Variants in WDPCP observed in about 807,000 individuals in gnomAD.
WDPCP encodes WD repeat containing planar cell polarity effector.
WDPCP carries 71 observed loss-of-function variants against 93.1 expected under a neutral mutation model. The observed-to-expected ratio is 0.76, with a 90% CI of 0.63 to 0.93. The LOEUF (loss-of-function observed/expected upper bound fraction) is 0.93. Ranked by LOEUF, WDPCP falls within the 40% of genes least tolerant of loss-of-function variation. The pLI, the probability that WDPCP is intolerant of heterozygous loss-of-function variation, is 0.00. For missense variants in WDPCP, 844 were observed against 887.4 expected (o/e 0.95, Z 0.62); for synonymous variants, 315 against 315.0 (o/e 1.00, Z 0.00).
intron 2 of WDPCP, among the ~76,000 whole-genome samples, chr2:63,703,703 C>T (rs1669099977): frequency 6.6e-6 from 1 of 152,020 alleles, no homozygotes; most frequent in Non-Finnish European, 1.5e-5. Context: ...GTTACTGTAG[C>T]CTTGTAGTAT....
At chr2:63,245,375 GAAA>G (rs1472658279) in intron 14 of WDPCP, among the ~76,000 whole-genome samples, 2 of 152,140 alleles carry the variant, frequency 1.3e-5, no homozygotes, top group African/African-American at 2.4e-5. Flanking sequence ...ACAGTGATAA[GAAA>G]AAGAAGAAGC....
chr2:63,464,916 GTA>G (rs1699246201), intron 6 of WDPCP, among the ~76,000 whole-genome samples: 1 of 151,952 alleles, frequency 6.6e-6, no homozygotes, highest in Admixed American at 6.6e-5. Flanking sequence ...TGTTTAATGG[GTA>G]TAGAGTTTCT....
intron 3 of WDPCP, among the ~76,000 whole-genome samples, chr2:63,648,607 T>A (rs535535045): frequency 6.6e-6 from 1 of 152,358 alleles, no homozygotes; most frequent in South Asian, 2.1e-4. Flanking sequence ...GAATGTCATA[T>A]AAATGGAAAC....
At chr2:63,247,878 G>A (rs953372736) in intron 14 of WDPCP, among the ~76,000 whole-genome samples, 1 of 150,798 alleles carries the variant, frequency 6.6e-6, no homozygotes, top group Non-Finnish European at 1.5e-5. Context: ...TTTGTTTTTA[G>A]TTGTGACATG....
chr2:63,567,516 C>T (rs1262900915), intron 1 of WDPCP, among the ~76,000 whole-genome samples: 1 of 152,180 alleles, frequency 6.6e-6, no homozygotes, highest in Non-Finnish European at 1.5e-5. Context: ...TCTTGAGCCC[C>T]CAATACGCCA....
intron 13 of WDPCP, among the ~76,000 whole-genome samples, chr2:63,305,349 G>T (rs568855425): frequency 5.3e-5 from 8 of 152,226 alleles, no homozygotes; most frequent in African/African-American, 1.9e-4. Context: ...GAGAGCTCCT[G>T]CTGGCATCTG....
intron 6 of WDPCP, among the ~76,000 whole-genome samples, chr2:63,450,852 C>T (rs1041390200): frequency 1.3e-5 from 2 of 148,392 alleles, no homozygotes; most frequent in Non-Finnish European, 3.0e-5. Flanking sequence ...AAAAGTCATC[C>T]CCTACAAAAA....
At chr2:63,357,611 T>A (rs1426872492) in intron 12 of WDPCP, among the ~76,000 whole-genome samples, 1 of 152,086 alleles carries the variant, frequency 6.6e-6, no homozygotes, top group Non-Finnish European at 1.5e-5. Context: ...AAACAACAGA[T>A]GCTGGCAAGG....
intron 3 of WDPCP, among the ~76,000 whole-genome samples, chr2:63,597,048 G>T (rs1224599378): frequency 6.6e-6 from 1 of 152,162 alleles, no homozygotes; most frequent in Non-Finnish European, 1.5e-5. Context: ...TAAAGGTTAG[G>T]TGAATTAGTT....
chr2:63,551,006 C>G (rs1200192122), intron 1 of WDPCP, among the ~76,000 whole-genome samples: 2 of 152,114 alleles, frequency 1.3e-5, no homozygotes, highest in African/African-American at 4.8e-5. Flanking sequence ...ACGTATAAGT[C>G]TTTTGTCCTC....
intron 9 of WDPCP, among the ~76,000 whole-genome samples, chr2:63,427,205 T>C (rs1558619919): frequency 6.6e-6 from 1 of 152,112 alleles, no homozygotes; most frequent in Admixed American, 6.6e-5. Context: ...AATGAAGTTC[T>C]GGACTAAATT....
chr2:63,202,162 TTTTA>T (rs1675963538), intron 14 of WDPCP, among the ~76,000 whole-genome samples: 1 of 151,974 alleles, frequency 6.6e-6, no homozygotes, highest in African/African-American at 2.4e-5. Flanking sequence ...AACTCAATCA[TTTTA>T]TATATATATA....
At chr2:63,672,165 C>G (rs1710355450) in intron 2 of WDPCP, among the ~76,000 whole-genome samples, 1 of 152,288 alleles carries the variant, frequency 6.6e-6, no homozygotes, top group East Asian at 1.9e-4. Flanking sequence ...ACTGCCCCAT[C>G]AAAGAGAGGA....
intron 17 of WDPCP, among the ~76,000 whole-genome samples, chr2:63,150,265 G>C (rs1004669554): frequency 1.4e-4 from 22 of 152,182 alleles, no homozygotes; most frequent in Middle Eastern, 3.4e-3. Flanking sequence ...GTCATATAGG[G>C]GTTTCTCTAG....
At chr2:63,298,255 A>T (rs1185600808) in intron 13 of WDPCP, among the ~76,000 whole-genome samples, 1 of 152,096 alleles carries the variant, frequency 6.6e-6, no homozygotes. Context: ...CCAGCCACAT[A>T]TCTTTGGTTA....
intron 2 of WDPCP, among the ~76,000 whole-genome samples, chr2:63,700,060 T>C (rs1462463850): frequency 6.6e-6 from 1 of 151,922 alleles, no homozygotes; most frequent in Non-Finnish European, 1.5e-5. Flanking sequence ...CTGAGGCAGA[T>C]GGATGTGTTG....
chr2:63,163,508 C>A (rs1346066642), intron 15 of WDPCP, among the ~76,000 whole-genome samples: 1 of 152,152 alleles, frequency 6.6e-6, no homozygotes, highest in East Asian at 1.9e-4. Flanking sequence ...GCTCAACACA[C>A]TGGAAATGCT....
chr2:63,277,578 A>T (rs1683184571), intron 13 of WDPCP, among the ~76,000 whole-genome samples: 1 of 152,256 alleles, frequency 6.6e-6, no homozygotes, highest in Admixed American at 6.5e-5. Context: ...ATGCAAATGG[A>T]CAACAAAAGT....
chr2:63,603,364 G>A (rs1709465454), intron 3 of WDPCP, among the ~76,000 whole-genome samples: 1 of 152,044 alleles, frequency 6.6e-6, no homozygotes, highest in Non-Finnish European at 1.5e-5. Flanking sequence ...TTCTTACATG[G>A]TAAATACTCA....
Sources: allele counts gnomAD v4.1 joint callset (sites outside exome capture counted in the v4.1 genomes callset), GRCh38; gene constraint gnomAD v4.1.1; transcripts MANE v1.5; gene names NCBI Gene and HGNC (gene_info 2026-07-23, HGNC 2026-07-21).